Variants in MYRIP observed in about 807,000 individuals in gnomAD.
MYRIP encodes myosin VIIA and Rab interacting protein.
A neutral mutation model predicts 98.0 loss-of-function variants in MYRIP; 49 were observed. The ratio of observed to expected loss-of-function variants is 0.50; its 90% CI spans 0.40 to 0.63. The LOEUF is 0.63. Among genes scored for constraint, MYRIP ranks in the 30% least tolerant of loss-of-function variants. MYRIP has a pLI of 0.00. For missense variants in MYRIP, 1,004 were observed against 1,058.2 expected, an observed-to-expected ratio of 0.95 and a Z score of 0.71; for synonymous variants, 404 against 409.5, an observed-to-expected ratio of 0.99 and a Z score of 0.16.
Position 39,809,657 on chromosome 3 carries a change from G to T in MYRIP, c.-290G>T, listed in dbSNP as rs959376946. ...CGCGGGCGCCTCCCTCGCAGCCGCT[G>T]CTGCCGACGCCGCTGCGCTCCCGCC... On this transcript the variant is annotated 5_prime_UTR_variant, in exon 1 of 17. Coordinates refer to ENST00000302541, the MANE Select transcript of MYRIP (RefSeq NM_015460.4). The T allele has an allele frequency of 6.6e-6, 1 of 151,790 alleles. No homozygotes were observed. The highest frequency in any genetic ancestry group is 2.4e-5 in the African/African-American group (1 of 41,382). 9.4% of individuals were successfully genotyped at this position (151,790 alleles called of 1,614,324 possible). A position where few individuals can be genotyped will look rare whatever the true frequency, so the allele number is the denominator to read the frequency against.
chr3:39,889,819 T>C (rs563907124), intron 1 of MYRIP, among the ~76,000 whole-genome samples: 1 of 152,176 alleles, frequency 6.6e-6, no homozygotes, highest in Non-Finnish European at 1.5e-5. Flanking sequence ...AGAAAGGCAT[T>C]TCCTACTCTG....
chr3:40,114,208 C>A (rs1165748425), intron 3 of MYRIP, among the ~76,000 whole-genome samples: 1 of 152,090 alleles, frequency 6.6e-6, no homozygotes, highest in Non-Finnish European at 1.5e-5. Context: ...TCTACTGTAC[C>A]TTTTCTATGC....
intron 2 of MYRIP, among the ~76,000 whole-genome samples, chr3:39,954,276 C>T (rs143578355): frequency 0.029 from 4,385 of 152,196 alleles, 202 homozygotes; most frequent in African/African-American, 0.1. Flanking sequence ...GGCCAATTGA[C>T]ACCTCATACA....
At position 40,169,734 on chromosome 3, in the gene MYRIP, T is replaced by C. The variant is rs139030918; in HGVS notation, c.730-216T>C. Among the ~76,000 whole-genome samples the C allele has an allele frequency of 8.5e-5, 13 of 152,322 alleles. No individual in the cohort carries two copies. The East Asian group carries it at 2.5e-3, about 29-fold the overall frequency. ...TTAATAAATAGAGAAGCTGTTAACA[T>C]CATAAAAGGATTATTTGTAAACTGT... On this transcript the variant is annotated intron_variant, in intron 7 of 16. Coordinates refer to ENST00000302541, the MANE Select transcript of MYRIP (RefSeq NM_015460.4).
intron 2 of MYRIP, among the ~76,000 whole-genome samples, chr3:40,037,007 CAGAG>C (rs35688205): frequency 6.6e-6 from 1 of 151,690 alleles, no homozygotes; most frequent in African/African-American, 2.4e-5. Flanking sequence ...TGAAAAAACA[CAGAG>C]AGCAAAGAAA....
At chr3:39,984,922 ACTGGTGTGAGATGGTAT>A in intron 2 of MYRIP, among the ~76,000 whole-genome samples, 1 of 151,238 alleles carries the variant, frequency 6.6e-6, no homozygotes, top group Non-Finnish European at 1.5e-5. Flanking sequence ...TGCCATTCTA[ACTGGTGTGAGATGGTAT>A]CTCATTGTGG....
At chr3:40,025,133 G>A (rs1947093403) in intron 2 of MYRIP, among the ~76,000 whole-genome samples, 1 of 152,174 alleles carries the variant, frequency 6.6e-6, no homozygotes, top group African/African-American at 2.4e-5. Context: ...TGAACCTGAG[G>A]CTAGTGAGGT....
chr3:39,987,146 C>T (rs766115657), intron 2 of MYRIP, among the ~76,000 whole-genome samples: 1 of 152,088 alleles, frequency 6.6e-6, no homozygotes, highest in African/African-American at 2.4e-5. Flanking sequence ...TCCTAATGCT[C>T]TCCCTCCCTT....
chr3:39,971,550 A>G (rs2125745363), intron 2 of MYRIP, among the ~76,000 whole-genome samples: 1 of 152,224 alleles, frequency 6.6e-6, no homozygotes, highest in East Asian at 1.9e-4. Context: ...AGAAGGTTCA[A>G]AAGGTATCTG....
chr3:40,193,013 C>G (rs1951285578), intron 10 of MYRIP, among the ~76,000 whole-genome samples: 1 of 152,136 alleles, frequency 6.6e-6, no homozygotes. Context: ...GGGATCCAAC[C>G]AGTTTTTGTT....
intron 5 of MYRIP, among the ~76,000 whole-genome samples, chr3:40,165,152 A>G (rs2125592473): frequency 6.6e-6 from 1 of 152,374 alleles, no homozygotes; most frequent in South Asian, 2.1e-4. Flanking sequence ...CTTATATCGC[A>G]TAGGCTCTAG....
chr3:39,989,318 C>T (rs1333737610), intron 2 of MYRIP, among the ~76,000 whole-genome samples: 1 of 152,096 alleles, frequency 6.6e-6, no homozygotes, highest in Non-Finnish European at 1.5e-5. Flanking sequence ...GCTGGGGGTT[C>T]GCTTCAGGCC....
intron 11 of MYRIP, among the ~76,000 whole-genome samples, chr3:40,227,304 T>A (rs1952517612): frequency 6.6e-6 from 1 of 152,134 alleles, no homozygotes; most frequent in Non-Finnish European, 1.5e-5. Context: ...TCATTGCATA[T>A]CAGTGTGTAT....
chr3:40,119,327 G>A (rs951112884), intron 3 of MYRIP, among the ~76,000 whole-genome samples: 10 of 152,202 alleles, frequency 6.6e-5, no homozygotes, highest in Non-Finnish European at 1.2e-4. Flanking sequence ...TCGGAATGAG[G>A]AAACTTTTTA....
At chr3:40,156,537 T>C (rs1950245497) in intron 4 of MYRIP, among the ~76,000 whole-genome samples, 1 of 152,246 alleles carries the variant, frequency 6.6e-6, no homozygotes, top group African/African-American at 2.4e-5. Flanking sequence ...AAGAAAGTAA[T>C]TGGTAGCTTG....
At chr3:40,191,014 C>CTA (rs1232123399) in intron 10 of MYRIP, among the ~76,000 whole-genome samples, 1 of 152,208 alleles carries the variant, frequency 6.6e-6, no homozygotes, top group East Asian at 1.9e-4. Context: ...TTATAAAGAG[C>CTA]TAAGCTCTGT....
At chr3:40,134,885 G>A (rs1404459417) in intron 3 of MYRIP, among the ~76,000 whole-genome samples, 1 of 152,140 alleles carries the variant, frequency 6.6e-6, no homozygotes, top group Admixed American at 6.5e-5. Flanking sequence ...CCATCTGTAC[G>A]TCACCATCAT....
At chr3:39,923,330 A>C (rs1211065087) in intron 2 of MYRIP, among the ~76,000 whole-genome samples, 1 of 152,166 alleles carries the variant, frequency 6.6e-6, no homozygotes, top group Non-Finnish European at 1.5e-5. Flanking sequence ...ACACAAACAA[A>C]CAAACAAAAA....
At chr3:39,977,064 GTTT>G (rs1013558929) in intron 2 of MYRIP, among the ~76,000 whole-genome samples, 1 of 105,440 alleles carries the variant, frequency 9.5e-6, no homozygotes, top group Non-Finnish European at 1.8e-5. Context: ...TATTCTGTGT[GTTT>G]TTTTCTCTTT....
Sources: allele counts gnomAD v4.1 joint callset (sites outside exome capture counted in the v4.1 genomes callset), GRCh38; gene constraint gnomAD v4.1.1; transcripts MANE v1.5; gene names NCBI Gene and HGNC (gene_info 2026-07-23, HGNC 2026-07-21).